BTBD17: variants seen among roughly 807,000 people sequenced by gnomAD.
The protein encoded by BTBD17 is BTB/POZ domain-containing protein 17.
BTBD17 carries 26 observed loss-of-function variants against 36.9 expected under a neutral mutation model. The observed-to-expected ratio is 0.70, with a 90% CI of 0.52 to 0.98. BTBD17 has a LOEUF of 0.98. Ranked by LOEUF, BTBD17 falls within the 50% of genes least tolerant of loss-of-function variation. The pLI, the probability that BTBD17 is intolerant of heterozygous loss-of-function variation, is 0.00. For missense variants in BTBD17, 630 were observed against 691.3 expected, an observed-to-expected ratio of 0.91 and a Z score of 0.99; for synonymous variants, 341 against 338.0, an observed-to-expected ratio of 1.01 and a Z score of -0.10.
In BTBD17 at chr17:74,356,690, G is replaced by A. The variant is rs1314768063; in HGVS notation, c.1404C>T (p.Pro468=). 1.3e-5 allele frequency: 21 copies of A among 1,574,156 alleles called. No individual in the cohort carries two copies. The Admixed American group carries it at 3.6e-4, about 27-fold the overall frequency. The change falls in exon 3 of 3, where the codon CCC becomes CCT. Residue 468 remains proline, a synonymous_variant. Transcript: ENST00000375366. This position sits in a 1 kb window ranked among gnomAD's most constrained non-coding sequence, Gnocchi z 4.3. ...NALHLHLIVK[P]VYHTLIRTPK Reference sequence around the variant, plus strand: ...GGGTCCGGATAAGGGTGTGGTATACGGGCTTGACGATGAGGTGCAGGTGCA... The same window carrying A: ...GGGTCCGGATAAGGGTGTGGTATACAGGCTTGACGATGAGGTGCAGGTGCA...
At position 74,357,392 on chromosome 17, in the gene BTBD17, C is replaced by T; in HGVS notation, c.702G>A (p.Leu234=). Residue 234 remains leucine (L), a synonymous_variant, in exon 3 of 3, where the codon CTG becomes CTA. Transcript: ENST00000375366. This position sits in a 1 kb window ranked among gnomAD's most constrained non-coding sequence, Gnocchi z 8.4. ...LQDELELFHA[L]EAWLGRARPP... ...GCCGCGCGCGACCCAGCCAGGCCTC[C>T]AGCGCGTGGAACAGCTCCAGTTCAT... 1 of 1,572,004 alleles carries T rather than the reference C, an allele frequency of 6.4e-7. No individual in the cohort carries two copies. Among genetic ancestry groups the T allele is most frequent in the Non-Finnish European group, 8.6e-7 (1 of 1,167,910 alleles).
At position 74,361,790 on chromosome 17, in the gene BTBD17, C is replaced by A; in HGVS notation, c.30G>T (p.Gly10=). 1 of 1,613,936 alleles carries A rather than the reference C, an allele frequency of 6.2e-7. No individual in the cohort carries two copies. The highest frequency in any genetic ancestry group is 8.5e-7 in the Non-Finnish European group (1 of 1,179,924). Residue 10 remains glycine, a synonymous_variant, in exon 1 of 3, where the codon GGG becomes GGT. Transcript: ENST00000375366. MPRRGYSKP[G]SWGSFWAMLT... The stretch of plus-strand genomic sequence containing the variant: ...GCATGGCCCAGAAGCTGCCCCAGGA[C>A]CCAGGCTTGGAGTAGCCTCTCCTAG...
In BTBD17 at chr17:74,357,000, A is replaced by C. The variant is rs754241589; in HGVS notation, c.1094T>G (p.Leu365Arg). The C allele has an allele frequency of 6.7e-7, 1 of 1,492,194 alleles. No individual in the cohort carries two copies. The highest frequency in any genetic ancestry group is 1.3e-5 in the South Asian group (1 of 78,728). The allele number at this position is 1,492,194 out of a possible 1,614,324, so 92.4% of individuals were successfully genotyped here. Residue 365 changes from leucine (L) to arginine (R), a missense_variant, in exon 3 of 3, where the codon CTG becomes CGG. Leu to Arg is a moderately radical substitution (Grantham distance 102). Transcript: ENST00000375366. This position sits in a 1 kb window ranked among gnomAD's most constrained non-coding sequence, Gnocchi z 4.3. Reference protein sequence around the residue: ...TWNVLFSPRWLPVSLRPVYAD... With the variant: ...TWNVLFSPRWRPVSLRPVYAD... ...GTAAACGGGCCGCAGGCTGACGGGC[A>C]GCCAGCGCGGCGAGAAGAGCACGTT...
intron 2 of BTBD17, among the ~76,000 whole-genome samples, chr17:74,359,724 G>C (rs1254358125): frequency 1.3e-5 from 2 of 152,152 alleles, no homozygotes; most frequent in African/African-American, 2.4e-5. Context: ...TCTATGGCCA[G>C]GTTTGGAAAC....
In BTBD17 at chr17:74,357,706, C is replaced by G; in HGVS notation, c.388G>C (p.Val130Leu). ...IRYLYCGELTVLLTQAIPLHR... is the reference protein window; with the variant it reads ...IRYLYCGELTLLLTQAIPLHR... Reference sequence around the variant, plus strand: ...AGGGGGATGGCCTGGGTCAGCAGCACGGTCAGCTCCCCGCAGTACAGGTAC... The same window carrying G: ...AGGGGGATGGCCTGGGTCAGCAGCAGGGTCAGCTCCCCGCAGTACAGGTAC... Residue 130 changes from valine (V) to leucine (L), a missense_variant, in exon 3 of 3, where the codon GTG becomes CTG. Physicochemically the swap from Val to Leu is conservative, Grantham distance 32 (BLOSUM62 1). Transcript: ENST00000375366. The surrounding 1 kb of genome is among the most constrained non-coding windows in gnomAD (Gnocchi z 8.4). 1 of 1,544,960 alleles carries G rather than the reference C, an allele frequency of 6.5e-7. No homozygotes were observed. Among genetic ancestry groups the G allele is most frequent in the Non-Finnish European group, 8.7e-7 (1 of 1,146,600 alleles).
chr17:74,359,778 C>CACAG (rs1362603372), intron 2 of BTBD17, among the ~76,000 whole-genome samples, 191 bp downstream of exon 2: 1 of 152,178 alleles, frequency 6.6e-6, no homozygotes, highest in Non-Finnish European at 1.5e-5. Flanking sequence ...CATCAAACTG[C>CACAG]ACAGATGACA....
chr17:74,357,378 CCCAGCCAGG>C lies in BTBD17; in HGVS notation c.707_715del (p.Ala236_Leu238del). The stretch of plus-strand genomic sequence containing the variant: ...CACGGCAGGGGGCGGCCGCGCGCGA[CCCAGCCAGG>C]CCTCCAGCGCGTGGAACAGCTCCAG... On this transcript the variant is annotated inframe_deletion, in exon 3 of 3. Transcript: ENST00000375366. The surrounding 1 kb of genome is among the most constrained non-coding windows in gnomAD (Gnocchi z 8.4). 1.3e-6 allele frequency: 2 copies of C among 1,559,208 alleles called. No homozygotes were observed. Among genetic ancestry groups the C allele is most frequent in the Non-Finnish European group, 1.7e-6 (2 of 1,161,652 alleles).
At chr17:74,358,673 T>TCTCTTACTTCTTA (rs2054915070) in intron 2 of BTBD17, among the ~76,000 whole-genome samples, 1 of 151,950 alleles carries the variant, frequency 6.6e-6, no homozygotes, top group Non-Finnish European at 1.5e-5. Context: ...CTGCTGAGTA[T>TCTCTTACTTCTTA]CTCTTCGTCT....
At chr17:74,359,360 T>G (rs986063812) in intron 2 of BTBD17, among the ~76,000 whole-genome samples, 9 of 151,866 alleles carry the variant, frequency 5.9e-5, no homozygotes, top group African/African-American at 1.7e-4. Context: ...TTTTTGTTTG[T>G]TTGTTTGGTT....
At chr17:74,360,951 A>G (rs1230444420) in intron 1 of BTBD17, among the ~76,000 whole-genome samples, 1 of 151,784 alleles carries the variant, frequency 6.6e-6, no homozygotes, top group Non-Finnish European at 1.5e-5. Flanking sequence ...AGCAGGAGAG[A>G]GGGGCGGGTG....
At chr17:74,363,292 G>A (rs2054952417), upstream of BTBD17, among the ~76,000 whole-genome samples, 1 of 152,176 alleles carries the variant, frequency 6.6e-6, no homozygotes, top group South Asian at 2.1e-4. Context: ...CCTCGTCCGG[G>A]TTGGCAGAGT....
Position 74,356,565 on chromosome 17 carries a change from G to C in BTBD17, c.*92C>G. 1 of 1,357,842 alleles carries C rather than the reference G, an allele frequency of 7.4e-7. No individual in the cohort carries two copies. The highest frequency in any genetic ancestry group is 2.1e-5 in the South Asian group (1 of 47,826). The allele number at this position is 1,357,842 out of a possible 1,614,324, so 84.1% of individuals were successfully genotyped here. ...GGTGGCCGGCGCCTGGCCATCCAGG[G>C]GACCAGGCTTGTTGCCACCTCCAGG... On this transcript the variant is annotated 3_prime_UTR_variant, in exon 3 of 3. Transcript: ENST00000375366. This position sits in a 1 kb window ranked among gnomAD's most constrained non-coding sequence, Gnocchi z 4.3.
Position 74,357,534 on chromosome 17 carries a change from C to T in BTBD17, c.560G>A (p.Ser187Asn), listed in dbSNP as rs1306002414. Residue 187 changes from serine to asparagine, a missense_variant, in exon 3 of 3, where the codon AGC (serine) becomes AAC (asparagine). Ser to Asn is a conservative substitution (Grantham distance 46). Coordinates refer to ENST00000375366, the MANE Select transcript of BTBD17 (RefSeq NM_001080466.2). The surrounding 1 kb of genome is among the most constrained non-coding windows in gnomAD (Gnocchi z 8.4). The part of the protein sequence containing the change: ...VGTGDEALRE[S>N]CLQFLAWNLS... ...GTTCCAGGCCAGGAACTGCAGGCAG[C>T]TCTCGCGCAGGGCCTCGTCCCCGGT... 4 of 1,558,418 alleles carry T rather than the reference C, an allele frequency of 2.6e-6. No individual in the cohort carries two copies. The highest frequency in any genetic ancestry group is 1.2e-5 in the South Asian group (1 of 86,114).
upstream of BTBD17, among the ~76,000 whole-genome samples, chr17:74,363,160 G>A (rs1183576394): frequency 6.6e-6 from 1 of 152,014 alleles, no homozygotes; most frequent in African/African-American, 2.4e-5. Flanking sequence ...CCTCTCCCTG[G>A]CTCTCTGGAT....
At chr17:74,361,027 T>C (rs1322729578) in intron 1 of BTBD17, among the ~76,000 whole-genome samples, 1 of 152,162 alleles carries the variant, frequency 6.6e-6, no homozygotes, top group African/African-American at 2.4e-5. Flanking sequence ...TCTTGGGTCC[T>C]GATCTCTGAG....
At position 74,356,845 on chromosome 17, in the gene BTBD17, C is replaced by T. The variant is rs1264751672; in HGVS notation, c.1249G>A (p.Ala417Thr). The T allele has an allele frequency of 6.4e-7, 1 of 1,560,700 alleles. No homozygotes were observed. Among genetic ancestry groups the T allele is most frequent in the Non-Finnish European group, 8.6e-7 (1 of 1,160,796 alleles). Reference protein sequence around the residue: ...VSFQKTVLVGARQQGRLLVRH... With the variant: ...VSFQKTVLVGTRQQGRLLVRH... ...ACCAGCAGGCGGCCCTGCTGGCGCGCCCCCACCAGCACCGTCTTCTGGAAG... is the reference window on the plus strand; with the variant it reads ...ACCAGCAGGCGGCCCTGCTGGCGCGTCCCCACCAGCACCGTCTTCTGGAAG... The change falls in exon 3 of 3, where the codon GCG (alanine) becomes ACG (threonine). Residue 417 changes from alanine to threonine, a missense_variant. By Grantham distance (58) the Ala-to-Thr change is moderately conservative (BLOSUM62 0). Coordinates refer to ENST00000375366, the MANE Select transcript of BTBD17 (RefSeq NM_001080466.2). The surrounding 1 kb of genome is among the most constrained non-coding windows in gnomAD (Gnocchi z 4.3).
rs752966517 is a variant in BTBD17, at chr17:74,356,996, G to A, written c.1098C>T (p.Pro366=). 5 of 1,487,250 alleles carry A rather than the reference G, an allele frequency of 3.4e-6. No homozygotes were observed. Among genetic ancestry groups the A allele is most frequent in the Non-Finnish European group, 3.5e-6 (4 of 1,128,970 alleles). 92.1% of individuals were successfully genotyped at this position (1,487,250 alleles called of 1,614,324 possible). Residue 366 remains proline, a synonymous_variant, in exon 3 of 3, where the codon CCC becomes CCT. Transcript: ENST00000375366. The surrounding 1 kb of genome is among the most constrained non-coding windows in gnomAD (Gnocchi z 4.3). ...WNVLFSPRWL[P]VSLRPVYADA... is the part of the protein sequence containing the mutation. ...CCGCGTAAACGGGCCGCAGGCTGAC[G>A]GGCAGCCAGCGCGGCGAGAAGAGCA...
chr17:74,357,697 T>C lies in BTBD17; in HGVS notation c.397A>G (p.Thr133Ala). 6.5e-7 allele frequency: 1 copy of C among 1,546,630 alleles called. No individual in the cohort carries two copies. The change falls in exon 3 of 3, where the codon ACC becomes GCC. Residue 133 changes from threonine (T) to alanine (A), a missense_variant. Physicochemically the swap from Thr to Ala is moderately conservative, Grantham distance 58 (BLOSUM62 0). Transcript: ENST00000375366. This position sits in a 1 kb window ranked among gnomAD's most constrained non-coding sequence, Gnocchi z 8.4. ...LYCGELTVLL[T>A]QAIPLHRLAT... ...AGTCTGTGCAGGGGGATGGCCTGGG[T>C]CAGCAGCACGGTCAGCTCCCCGCAG...
At chr17:74,360,482 C>G (rs1367020309) in intron 1 of BTBD17, among the ~76,000 whole-genome samples, 1 of 152,204 alleles carries the variant, frequency 6.6e-6, no homozygotes, top group Non-Finnish European at 1.5e-5. Flanking sequence ...CAAGAGGATG[C>G]TCTTGGAAGG....
Sources: allele counts gnomAD v4.1 joint callset (sites outside exome capture counted in the v4.1 genomes callset), GRCh38; gene constraint gnomAD v4.1.1; non-coding constraint Gnocchi (gnomAD v3.1); transcripts MANE v1.5; gene names NCBI Gene and HGNC (gene_info 2026-07-23, HGNC 2026-07-21).